The following KCNH7 variants were observed in gnomAD, a reference collection of about 807,000 sequenced individuals.
KCNH7 encodes the protein potassium voltage-gated channel subfamily H member 7.
Under a neutral mutation model 120.8 loss-of-function variants are expected in KCNH7, and 49 were observed. That is an observed-to-expected ratio of 0.41 (90% CI 0.32 to 0.51). The LOEUF (loss-of-function observed/expected upper bound fraction) is 0.51. Among genes scored for constraint, KCNH7 ranks in the 20% least tolerant of loss-of-function variants. The pLI, the probability that KCNH7 is intolerant of heterozygous loss-of-function variation, is 0.38. For synonymous variants in KCNH7, 547 were observed against 516.1 expected (o/e 1.06, Z -0.81); for missense variants, 1,097 against 1,446.6 (o/e 0.76, Z 3.92).
chr2:162,508,141 G>A (rs1375493678), intron 5 of KCNH7, among the ~76,000 whole-genome samples: 1 of 151,472 alleles, frequency 6.6e-6, no homozygotes, highest in African/African-American at 2.4e-5. Flanking sequence ...TTCCATTTCA[G>A]GATAGGAAAA....
At chr2:162,428,208 T>A (rs1444278735) in intron 8 of KCNH7, among the ~76,000 whole-genome samples, 1 of 151,954 alleles carries the variant, frequency 6.6e-6, no homozygotes, top group Non-Finnish European at 1.5e-5. Flanking sequence ...TTCATTTTTA[T>A]TAAGTTAAAA....
chr2:162,603,484 C>A (rs1471315187), intron 2 of KCNH7, among the ~76,000 whole-genome samples: 1 of 151,826 alleles, frequency 6.6e-6, no homozygotes, highest in East Asian at 1.9e-4. Flanking sequence ...TTGAAAGGTG[C>A]AAAAAGTGGT....
intron 6 of KCNH7, among the ~76,000 whole-genome samples, chr2:162,458,462 C>T (rs911548042): frequency 6.6e-6 from 1 of 152,006 alleles, no homozygotes; most frequent in Non-Finnish European, 1.5e-5. Flanking sequence ...GGACTTCTGG[C>T]CCCACCATGT....
At chr2:162,625,634 G>A (rs1467333073) in intron 2 of KCNH7, among the ~76,000 whole-genome samples, 2 of 152,114 alleles carry the variant, frequency 1.3e-5, no homozygotes, top group African/African-American at 4.8e-5. Flanking sequence ...CAATATAAGA[G>A]TCTTCACAAC....
chr2:162,743,866 T>C (rs949502116), intron 2 of KCNH7, among the ~76,000 whole-genome samples: 1 of 152,148 alleles, frequency 6.6e-6, no homozygotes, highest in Non-Finnish European at 1.5e-5. Context: ...AGAAATAATA[T>C]ATTTTAAAAT....
chr2:162,466,218 A>G (rs940715329), intron 6 of KCNH7, among the ~76,000 whole-genome samples: 7 of 152,138 alleles, frequency 4.6e-5, no homozygotes, highest in African/African-American at 1.7e-4. Flanking sequence ...GCCTGACAAT[A>G]TTGTATTATG....
intron 2 of KCNH7, among the ~76,000 whole-genome samples, chr2:162,699,704 A>G (rs1233485505): frequency 6.6e-6 from 1 of 152,188 alleles, no homozygotes; most frequent in African/African-American, 2.4e-5. Flanking sequence ...TAACTGACAA[A>G]TGGATCATCA....
At chr2:162,622,149 T>C (rs1036646371) in intron 2 of KCNH7, among the ~76,000 whole-genome samples, 2 of 152,234 alleles carry the variant, frequency 1.3e-5, no homozygotes, top group African/African-American at 4.8e-5. Context: ...TTATGCATAG[T>C]TATCAAATAT....
intron 2 of KCNH7, among the ~76,000 whole-genome samples, chr2:162,616,639 C>T (rs899257079): frequency 5.9e-5 from 9 of 152,168 alleles, no homozygotes; most frequent in African/African-American, 2.2e-4. Flanking sequence ...TCATCCTAAA[C>T]TTCTTTACAC....
At chr2:162,536,397 T>G (rs1344082647) in intron 3 of KCNH7, among the ~76,000 whole-genome samples, 1 of 151,968 alleles carries the variant, frequency 6.6e-6, no homozygotes, top group Non-Finnish European at 1.5e-5. Context: ...TTCTCACTTA[T>G]GATAATGACA....
chr2:162,541,406 G>A (rs1405631713), intron 2 of KCNH7, among the ~76,000 whole-genome samples: 1 of 152,072 alleles, frequency 6.6e-6, no homozygotes, highest in African/African-American at 2.4e-5. Flanking sequence ...AATCAAGATT[G>A]TGGTGCGTTC....
chr2:162,667,670 T>C (rs1685189463), intron 2 of KCNH7, among the ~76,000 whole-genome samples: 1 of 152,196 alleles, frequency 6.6e-6, no homozygotes, highest in Non-Finnish European at 1.5e-5. Context: ...CACTAATATT[T>C]TAATTCTTCA....
intron 2 of KCNH7, among the ~76,000 whole-genome samples, chr2:162,630,871 T>C (rs951385003): frequency 8.5e-5 from 13 of 152,134 alleles, no homozygotes; most frequent in African/African-American, 3.1e-4. Flanking sequence ...TGGGAACATA[T>C]AAGCAACTCT....
chr2:162,712,679 AG>A (rs1686968246), intron 2 of KCNH7, among the ~76,000 whole-genome samples: 1 of 152,212 alleles, frequency 6.6e-6, no homozygotes, highest in Admixed American at 6.5e-5. Context: ...TGTCCTTTTT[AG>A]TATATGAATA....
At chr2:162,671,171 T>A in intron 2 of KCNH7, among the ~76,000 whole-genome samples, 1 of 151,956 alleles carries the variant, frequency 6.6e-6, no homozygotes, top group East Asian at 1.9e-4. Flanking sequence ...GAAATATCTC[T>A]TAAAACAAAA....
At chr2:162,577,322 T>TATCTATCTATC (rs1693708674) in intron 2 of KCNH7, among the ~76,000 whole-genome samples, 1 of 148,152 alleles carries the variant, frequency 6.7e-6, no homozygotes, top group African/African-American at 2.5e-5. Flanking sequence ...TCTATCTATC[T>TATCTATCTATC]ATCTATCTGT....
At chr2:162,408,014 G>A (rs530017124) in intron 9 of KCNH7, among the ~76,000 whole-genome samples, 1 of 151,978 alleles carries the variant, frequency 6.6e-6, no homozygotes, top group African/African-American at 2.4e-5. Context: ...ATATACATTG[G>A]CAATCACCCC....
intron 2 of KCNH7, among the ~76,000 whole-genome samples, chr2:162,549,602 C>A (rs1282353678): frequency 1.3e-5 from 2 of 152,056 alleles, no homozygotes; most frequent in African/African-American, 4.8e-5. Context: ...TTTATAATCC[C>A]TCAAATCGTA....
intron 2 of KCNH7, among the ~76,000 whole-genome samples, chr2:162,538,349 A>G (rs1692183503): frequency 6.6e-6 from 1 of 152,062 alleles, no homozygotes; most frequent in Non-Finnish European, 1.5e-5. Flanking sequence ...GATTTAGGAA[A>G]TGTGTCCATT....
Sources: allele counts gnomAD v4.1 joint callset (sites outside exome capture counted in the v4.1 genomes callset), GRCh38; gene constraint gnomAD v4.1.1; transcripts MANE v1.5; gene names NCBI Gene and HGNC (gene_info 2026-07-23, HGNC 2026-07-21).